Variants in KDM2A observed in about 807,000 individuals in gnomAD.
The protein encoded by KDM2A is lysine-specific demethylase 2A.
KDM2A carries 3 observed loss-of-function variants against 137.3 expected under a neutral mutation model. The observed-to-expected ratio is 0.02, with a 90% confidence interval of 0.01 to 0.06. KDM2A has a LOEUF of 0.06. Among genes scored for constraint, KDM2A ranks in the 10% least tolerant of loss-of-function variants. The pLI is 1.00. For missense variants in KDM2A, 738 were observed against 1,510.6 expected, an observed-to-expected ratio of 0.49 and a Z score of 8.48; for synonymous variants, 512 against 541.5, an observed-to-expected ratio of 0.95 and a Z score of 0.76.
intron 16 of KDM2A, among the ~76,000 whole-genome samples, chr11:67,249,602 T>C (rs1859346018): frequency 6.6e-6 from 1 of 152,226 alleles, no homozygotes; most frequent in South Asian, 2.1e-4. Flanking sequence ...AGTGAATCTC[T>C]CTGTAGCAAC....
intron 2 of KDM2A, among the ~76,000 whole-genome samples, chr11:67,157,232 G>A (rs1856535984): frequency 6.7e-6 from 1 of 148,642 alleles, no homozygotes; most frequent in Non-Finnish European, 1.5e-5. Context: ...AGAATGGCAT[G>A]AACCCGGGAG....
chr11:67,171,477 A>G (rs761335060), intron 2 of KDM2A, among the ~76,000 whole-genome samples: 2 of 65,248 alleles, frequency 3.1e-5, no homozygotes, highest in Non-Finnish European at 1.6e-4. Flanking sequence ...TTCCAAGGGA[A>G]AGTTGAGATC....
At chr11:67,213,627 C>G (rs191038243) in intron 6 of KDM2A, among the ~76,000 whole-genome samples, 1 of 151,522 alleles carries the variant, frequency 6.6e-6, no homozygotes, top group Non-Finnish European at 1.5e-5. Flanking sequence ...GGTGCGGTGG[C>G]GGGTGCCTGT....
intron 12 of KDM2A, among the ~76,000 whole-genome samples, chr11:67,239,315 TGCAGGATTGCTGC>T (rs563565707): frequency 8.5e-5 from 13 of 152,344 alleles, no homozygotes; most frequent in Admixed American, 5.2e-4. Flanking sequence ...GTGGAACTGC[TGCAGGATTGCTGC>T]GCAGACATTT....
chr11:67,160,863 C>G (rs1371946653), intron 2 of KDM2A, among the ~76,000 whole-genome samples: 2 of 152,186 alleles, frequency 1.3e-5, no homozygotes, highest in Non-Finnish European at 2.9e-5. Flanking sequence ...GACCCAGCTA[C>G]TTGGGAAGCT....
intron 2 of KDM2A, among the ~76,000 whole-genome samples, chr11:67,127,662 A>G (rs1214854272): frequency 2.6e-5 from 4 of 152,060 alleles, no homozygotes; most frequent in African/African-American, 9.7e-5. Flanking sequence ...TGCCTCCCCA[A>G]ATTCAGCAGC....
In KDM2A at chr11:67,252,738, G is replaced by A; in HGVS notation, c.2813G>A (p.Cys938Tyr). The A allele has an allele frequency of 6.2e-7, 1 of 1,613,990 alleles. No individual in the cohort carries two copies. The highest frequency in any genetic ancestry group is 8.5e-7 in the Non-Finnish European group (1 of 1,179,882). Residue 938 changes from cysteine (C) to tyrosine (Y), a missense_variant, in exon 18 of 21, where the codon TGT becomes TAT. Transcript: ENST00000529006. ...TGGACAAAAATTGACTTGAGTAGGT[G>A]TAAGGCCATTGTGCCCCAGGCCCTC... ...RLWTKIDLSR[C>Y]KAIVPQALSG...
At chr11:67,204,587 G>A (rs1040260540) in intron 5 of KDM2A, among the ~76,000 whole-genome samples, 7 of 151,638 alleles carry the variant, frequency 4.6e-5, no homozygotes, top group African/African-American at 1.7e-4. Flanking sequence ...CGCCTCCTGG[G>A]TTCATGCCAT....
At chr11:67,233,140 G>A (rs1858766954) in intron 12 of KDM2A, among the ~76,000 whole-genome samples, 1 of 152,096 alleles carries the variant, frequency 6.6e-6, no homozygotes, top group South Asian at 2.1e-4. Context: ...CAATGGGTAT[G>A]TATATTAGAA....
intron 2 of KDM2A, among the ~76,000 whole-genome samples, chr11:67,172,977 A>G (rs1025555857): frequency 2.0e-5 from 3 of 152,172 alleles, no homozygotes; most frequent in Middle Eastern, 3.4e-3. Flanking sequence ...ACATAATGTG[A>G]TGCACTGGTT....
intron 5 of KDM2A, among the ~76,000 whole-genome samples, chr11:67,182,613 A>G (rs1312246954): frequency 1.3e-5 from 2 of 149,084 alleles, no homozygotes; most frequent in African/African-American, 5.0e-5. Flanking sequence ...GCTCACTGCA[A>G]CCTCCGCCTG....
At chr11:67,234,330 A>G (rs1344813157) in intron 12 of KDM2A, among the ~76,000 whole-genome samples, 2 of 152,192 alleles carry the variant, frequency 1.3e-5, no homozygotes, top group East Asian at 3.9e-4. Flanking sequence ...GGACAAAGCT[A>G]GTACAGTTTA....
chr11:67,227,542 G>C (rs1222345312), intron 10 of KDM2A, among the ~76,000 whole-genome samples: 1 of 151,826 alleles, frequency 6.6e-6, no homozygotes, highest in African/African-American at 2.4e-5. Flanking sequence ...GCTTCTTGGT[G>C]GTTCTAAATG....
chr11:67,242,592 C>T (rs971839318), intron 12 of KDM2A, among the ~76,000 whole-genome samples: 11 of 152,194 alleles, frequency 7.2e-5, no homozygotes, highest in African/African-American at 2.7e-4. Flanking sequence ...TTAGTTGTTT[C>T]AGTGTGTTAG....
chr11:67,169,756 TC>T lies in KDM2A; in HGVS notation c.43-10322del, dbSNP rs1361656622. 2.6e-3 allele frequency among the ~76,000 whole-genome samples: 125 copies of T among 48,716 alleles called. 1 individual carries two copies. Among genetic ancestry groups the T allele is most frequent in the African/African-American group, 4.0e-3 (118 of 29,488 alleles). The allele number at this position is 48,716 out of a possible 152,430, so 32.0% of individuals were successfully genotyped here. On this transcript the variant is annotated intron_variant, in intron 2 of 20. Coordinates refer to ENST00000529006, the MANE Select transcript of KDM2A (RefSeq NM_012308.3). ...CCTTCTCTCTCTCTCTCTCTCTCTC[TC>T]TCTTTTTTTTTTTTTTTTGAGACGG...
intron 2 of KDM2A, among the ~76,000 whole-genome samples, chr11:67,154,362 C>T (rs554006085): frequency 7.5e-4 from 114 of 152,280 alleles, no homozygotes; most frequent in African/African-American, 2.6e-3. Context: ...TTAGTATATT[C>T]AAAATGTTTT....
intron 12 of KDM2A, among the ~76,000 whole-genome samples, chr11:67,240,614 C>T (rs1859003494): frequency 6.6e-6 from 1 of 152,190 alleles, no homozygotes; most frequent in Non-Finnish European, 1.5e-5. Context: ...GTTCTCTTTC[C>T]CTTCCTGTGA....
intron 2 of KDM2A, among the ~76,000 whole-genome samples, chr11:67,126,802 G>T (rs1188630363): frequency 1.3e-5 from 2 of 151,998 alleles, no homozygotes; most frequent in Non-Finnish European, 2.9e-5. Context: ...GTGTGTATGT[G>T]TAGATTTGGA....
intron 2 of KDM2A, among the ~76,000 whole-genome samples, chr11:67,126,241 C>T (rs186972163): frequency 0.013 from 1,800 of 143,308 alleles, 33 homozygotes; most frequent in Middle Eastern, 0.019. Context: ...AGCAAAACTC[C>T]GTCTCAAAAA....
Sources: allele counts gnomAD v4.1 joint callset (sites outside exome capture counted in the v4.1 genomes callset), GRCh38; gene constraint gnomAD v4.1.1; transcripts MANE v1.5; gene names NCBI Gene and HGNC (gene_info 2026-07-23, HGNC 2026-07-21).